The following RAB11FIP3 variants were observed in gnomAD, a reference collection of about 807,000 sequenced individuals.
RAB11FIP3 encodes rab11 family-interacting protein 3.
A neutral mutation model predicts 77.8 loss-of-function variants in RAB11FIP3; 17 were observed. The observed-to-expected ratio is 0.22, with a 90% CI of 0.15 to 0.33. The LOEUF (loss-of-function observed/expected upper bound fraction) is 0.33. Among genes scored for constraint, RAB11FIP3 ranks in the 10% least tolerant of loss-of-function variants. The probability of loss-of-function intolerance (pLI) is 1.00; values close to 1 mark genes in which losing one functional copy is unlikely to be tolerated. For missense variants in RAB11FIP3, 1,005 were observed against 1,011.2 expected, an observed-to-expected ratio of 0.99 and a Z score of 0.08; for synonymous variants, 437 against 448.2, an observed-to-expected ratio of 0.98 and a Z score of 0.31.
chr16:488,127 T>C (rs970821245), intron 4 of RAB11FIP3, among the ~76,000 whole-genome samples: 1 of 152,288 alleles, frequency 6.6e-6, no homozygotes, highest in African/African-American at 2.4e-5. Flanking sequence ...ACGCCTGTAA[T>C]CCCAACACTT....
intron 9 of RAB11FIP3, among the ~76,000 whole-genome samples, chr16:518,327 C>T (rs929795769): frequency 3.9e-5 from 6 of 152,232 alleles, no homozygotes; most frequent in Non-Finnish European, 7.3e-5. Flanking sequence ...GCAATCCTCC[C>T]GCATTGGCCT....
In RAB11FIP3 at chr16:461,461, G is replaced by A; in HGVS notation, c.772G>A (p.Asp258Asn). 6.2e-7 allele frequency: 1 copy of A among 1,613,982 alleles called. No individual in the cohort carries two copies. The highest frequency in any genetic ancestry group is 8.5e-7 in the Non-Finnish European group (1 of 1,180,006). ...PSGLGVISFEDFYQGITAIRN... is the reference protein window; with the variant it reads ...PSGLGVISFENFYQGITAIRN... The stretch of plus-strand genomic sequence containing the variant: ...TGGGCTCGGCGTGATCAGCTTTGAA[G>A]ACTTCTACCAAGGGATCACAGCCAT... Residue 258 changes from aspartate (D) to asparagine (N), a missense_variant, in exon 2 of 14, where the codon GAC becomes AAC. This residue lies in a region of RAB11FIP3 where 466 missense variants were observed against 408.3 expected (regional missense o/e 1.14). Transcript: ENST00000262305. This position sits in a 1 kb window ranked among gnomAD's most constrained non-coding sequence, Gnocchi z 4.5.
chr16:492,393 TCCCCGGGAGACCCGAGGCCGCCCAGGG>T (rs2030456141), intron 5 of RAB11FIP3, among the ~76,000 whole-genome samples: 2 of 48,238 alleles, frequency 4.1e-5, no homozygotes, highest in South Asian at 9.7e-4. Flanking sequence ...CCCAGAGCCC[TCCCCGGGAGACCCGAGGCCGCCCAGGG>T]CCCTCCCCGG....
rs1036855798 is a variant in RAB11FIP3 at position 506,223 on chromosome 16, C to T, written c.1499+596C>T. On this transcript the variant is annotated intron_variant, in intron 8 of 13. Coordinates refer to ENST00000262305, the MANE Select transcript of RAB11FIP3 (RefSeq NM_014700.4). This position sits in a 1 kb window ranked among gnomAD's most constrained non-coding sequence, Gnocchi z 4.5. ...TTTTCTTAGAATACCGTGTAATTCT[C>T]GGTGTTTTTCACACGAGGCACGCCA... Among the ~76,000 whole-genome samples the T allele has an allele frequency of 2.6e-5, 4 of 152,064 alleles. No homozygotes were observed. Among genetic ancestry groups the T allele is most frequent in the African/African-American group, 7.2e-5 (3 of 41,410 alleles).
At chr16:430,073 G>A (rs1394564932) in intron 1 of RAB11FIP3, among the ~76,000 whole-genome samples, 1 of 152,100 alleles carries the variant, frequency 6.6e-6, no homozygotes, top group Non-Finnish European at 1.5e-5. Flanking sequence ...AAAGGAGCAA[G>A]TGGAGCTTTC....
Position 492,489 on chromosome 16 carries a change from CCGGG to C in RAB11FIP3, c.1265+3490_1265+3493del, listed in dbSNP as rs1158362312. On this transcript the variant is annotated intron_variant, in intron 5 of 13. Transcript: ENST00000262305. Reference sequence around the variant, plus strand: ...AGACCCGAGGCCGCCCAGGGCCCTCCCGGGAGACCCGAGGCCGCCCAGGGCCCTC... The same window carrying C: ...AGACCCGAGGCCGCCCAGGGCCCTCCAGACCCGAGGCCGCCCAGGGCCCTC... Among the ~76,000 whole-genome samples, 10 of 110,692 alleles carry C rather than the reference CCGGG, an allele frequency of 9.0e-5. 1 individual carries two copies. The highest frequency in any genetic ancestry group is 1.1e-4 in the Non-Finnish European group (5 of 45,350). 72.6% of individuals were successfully genotyped at this position (110,692 alleles called of 152,430 possible).
At chr16:429,674 A>G (rs925268949) in intron 1 of RAB11FIP3, among the ~76,000 whole-genome samples, 1 of 151,616 alleles carries the variant, frequency 6.6e-6, no homozygotes, top group Non-Finnish European at 1.5e-5. Context: ...TATTTTTTGT[A>G]TTTTTAGTAG....
At position 430,209 on chromosome 16, in the gene RAB11FIP3, G is replaced by A. The variant is rs569143598; in HGVS notation, c.714+3489G>A. ...GATTGACATGACCCCTTCATACTGAGAGGACTGATGCTTTTGTATTTACTG... is the reference window on the plus strand; with the variant it reads ...GATTGACATGACCCCTTCATACTGAAAGGACTGATGCTTTTGTATTTACTG... On this transcript the variant is annotated intron_variant, in intron 1 of 13. Transcript: ENST00000262305. 3.9e-4 allele frequency among the ~76,000 whole-genome samples: 60 copies of A among 152,276 alleles called. 1 individual carries two copies. The highest frequency in any genetic ancestry group is 1.4e-3 in the African/African-American group (59 of 41,532).
Position 426,864 on chromosome 16 carries a change from C to T in RAB11FIP3, c.714+144C>T, listed in dbSNP as rs1370472246. On this transcript the variant is annotated intron_variant, in intron 1 of 13. Coordinates refer to ENST00000262305, the MANE Select transcript of RAB11FIP3 (RefSeq NM_014700.4). The surrounding 1 kb of genome is among the most constrained non-coding windows in gnomAD (Gnocchi z 5.0). ...CGGTCCTGCTTTTTCTGCTTATTCA[C>T]CACTTCGGCCCTGGATTTCTGGTTG... 3.6e-6 allele frequency: 2 copies of T among 549,138 alleles called. No homozygotes were observed. The highest frequency in any genetic ancestry group is 6.6e-5 in the East Asian group (2 of 30,306). The allele number at this position is 549,138 out of a possible 1,614,324, so 34.0% of individuals were successfully genotyped here.
At chr16:459,529 C>A (rs368796389) in intron 1 of RAB11FIP3, among the ~76,000 whole-genome samples, 1 of 151,680 alleles carries the variant, frequency 6.6e-6, no homozygotes, top group African/African-American at 2.4e-5. Context: ...CTCCGCCTCC[C>A]GGGTTCAAGC....
chr16:490,142 A>G (rs892341913), intron 5 of RAB11FIP3, among the ~76,000 whole-genome samples: 4 of 152,226 alleles, frequency 2.6e-5, no homozygotes, highest in African/African-American at 7.2e-5. Flanking sequence ...TGTAATGTCT[A>G]TGCTACATTG....
At chr16:456,920 T>G (rs1198470730) in intron 1 of RAB11FIP3, among the ~76,000 whole-genome samples, 1 of 151,968 alleles carries the variant, frequency 6.6e-6, no homozygotes, top group Non-Finnish European at 1.5e-5. Context: ...CAGGCTTCAG[T>G]GCCATTGGGA....
At chr16:438,776 G>T (rs189009023) in intron 1 of RAB11FIP3, among the ~76,000 whole-genome samples, 1 of 150,054 alleles carries the variant, frequency 6.7e-6, no homozygotes, top group African/African-American at 2.5e-5. Context: ...TGCAACCTCC[G>T]CCTCCCAGGT....
chr16:490,984 A>C, intron 5 of RAB11FIP3: 1 of 695,074 alleles, frequency 1.4e-6, no homozygotes. Context: ...GTCTAAAGGC[A>C]AGAGCCAGAA....
In RAB11FIP3 at chr16:472,368, C is replaced by A. The variant is rs552647761; in HGVS notation, c.903+979C>A. ...TGGGCTGCAGCTTCTGGGGCCAGGG[C>A]GCCCACCGTGGGTCCCATGTTTGGC... On this transcript the variant is annotated intron_variant, in intron 3 of 13. Coordinates refer to ENST00000262305, the MANE Select transcript of RAB11FIP3 (RefSeq NM_014700.4). The surrounding 1 kb of genome is among the most constrained non-coding windows in gnomAD (Gnocchi z 4.1). Among the ~76,000 whole-genome samples, 1 of 152,224 alleles carries A rather than the reference C, an allele frequency of 6.6e-6. No homozygotes were observed. Among genetic ancestry groups the A allele is most frequent in the African/African-American group, 2.4e-5 (1 of 41,446 alleles).
At chr16:482,857 G>T (rs2056074732) in intron 4 of RAB11FIP3, 121 bp downstream of exon 4, 1 of 1,114,416 alleles carries the variant, frequency 9.0e-7, no homozygotes, top group Non-Finnish European at 1.3e-6. Flanking sequence ...TTATGTGGGG[G>T]TGGGGCTTGG....
chr16:449,017 A>T (rs2141607335), intron 1 of RAB11FIP3, among the ~76,000 whole-genome samples: 1 of 152,288 alleles, frequency 6.6e-6, no homozygotes, highest in South Asian at 2.1e-4. Flanking sequence ...TGGTAGGCCA[A>T]ATAATGGCTC....
intron 7 of RAB11FIP3, among the ~76,000 whole-genome samples, chr16:503,443 C>T (rs545455600): frequency 2.9e-4 from 44 of 152,238 alleles, no homozygotes; most frequent in Non-Finnish European, 3.5e-4. Flanking sequence ...CATGGAGACG[C>T]GACCTGGGGC....
Position 461,301 on chromosome 16 carries a change from T to A in RAB11FIP3, c.715-103T>A. 1.2e-6 allele frequency: 1 copy of A among 814,438 alleles called. No individual in the cohort carries two copies. The highest frequency in any genetic ancestry group is 1.9e-6 in the Non-Finnish European group (1 of 514,362). 50.5% of individuals were successfully genotyped at this position (814,438 alleles called of 1,614,324 possible). On this transcript the variant is annotated intron_variant, in intron 1 of 13. Coordinates refer to ENST00000262305, the MANE Select transcript of RAB11FIP3 (RefSeq NM_014700.4). This position sits in a 1 kb window ranked among gnomAD's most constrained non-coding sequence, Gnocchi z 4.5. ...CCTCACCTCCTGCTGTGCTTCCCCG[T>A]TCCCAGCAGGCCACACACCAGATCT...
Sources: allele counts gnomAD v4.1 joint callset (sites outside exome capture counted in the v4.1 genomes callset), GRCh38; gene constraint gnomAD v4.1.1; regional missense constraint gnomAD v4.1.1; non-coding constraint Gnocchi (gnomAD v3.1); transcripts MANE v1.5; gene names NCBI Gene and HGNC (gene_info 2026-07-23, HGNC 2026-07-21).